Variants in PDE1C observed in about 807,000 individuals in gnomAD.
PDE1C encodes phosphodiesterase 1C, also known as dual specificity calcium/calmodulin-dependent 3',5'-cyclic nucleotide phosphodiesterase 1C.
A neutral mutation model predicts 93.1 loss-of-function variants in PDE1C; 62 were observed. The ratio of observed to expected loss-of-function variants is 0.67; its 90% CI spans 0.54 to 0.82. The LOEUF (loss-of-function observed/expected upper bound fraction) is 0.82. Among genes scored for constraint, PDE1C ranks in the 40% least tolerant of loss-of-function variants. The pLI is 0.00. For synonymous variants in PDE1C, 325 were observed against 310.1 expected (o/e 1.05, Z -0.50); for missense variants, 742 against 884.6 (o/e 0.84, Z 2.04).
the PDE1C span, among the ~76,000 whole-genome samples, chr7:31,669,978 C>T: frequency 6.6e-6 from 1 of 152,222 alleles, no homozygotes; most frequent in Non-Finnish European, 1.5e-5. Context: ...GTCTGACTCT[C>T]ATCTAGGACT....
rs1424943945 is a variant in PDE1C at position 31,926,231 on chromosome 7, G to A, written c.129-45371C>T. ...CCTGAAACGATTTTTCTTTTTCAGT[G>A]AGTCATTCATTGGCCTGTGAAATAA... On this transcript the variant is annotated intron_variant, in intron 2 of 17. Transcript: ENST00000396191. Among the ~76,000 whole-genome samples, 3 of 152,208 alleles carry A rather than the reference G, an allele frequency of 2.0e-5. No individual in the cohort carries two copies. In the East Asian group the frequency reaches 5.8e-4, roughly 29 times the overall value.
intron 17 of PDE1C, among the ~76,000 whole-genome samples, chr7:31,759,277 G>A (rs1257330767): frequency 1.3e-5 from 2 of 152,046 alleles, no homozygotes; most frequent in African/African-American, 4.8e-5. Context: ...ATTCTTCTGG[G>A]GTCCTGGTAT....
At chr7:31,706,695 C>T in the PDE1C span, among the ~76,000 whole-genome samples, 9 of 152,194 alleles carry the variant, frequency 5.9e-5, no homozygotes, top group South Asian at 4.2e-4. Context: ...GGAAAATAAA[C>T]GAGCAAATAT....
At chr7:32,200,708 G>C (rs992372958) in intron 2 of PDE1C, among the ~76,000 whole-genome samples, 5 of 152,166 alleles carry the variant, frequency 3.3e-5, no homozygotes, top group Admixed American at 1.3e-4. Context: ...ACAGGCAGCA[G>C]GTGGAAGCTG....
At chr7:31,809,154 G>A in intron 15 of PDE1C, 46 bp from the exon 16 acceptor site, 2 of 1,053,892 alleles carry the variant, frequency 1.9e-6, no homozygotes, top group Non-Finnish European at 3.0e-6. Flanking sequence ...GCAGCTGAGG[G>A]GGTTGTTATA....
intron 11 of PDE1C, among the ~76,000 whole-genome samples, chr7:31,835,692 A>G (rs1791006772): frequency 6.6e-6 from 1 of 152,196 alleles, no homozygotes; most frequent in African/African-American, 2.4e-5. Context: ...CACAGATAAG[A>G]CCATAGGGAA....
chr7:31,678,995 T>C, the PDE1C span, among the ~76,000 whole-genome samples: 3 of 152,222 alleles, frequency 2.0e-5, no homozygotes, highest in African/African-American at 4.8e-5. Flanking sequence ...CCTGAAAGCA[T>C]TGGCAGAAAT....
intron 2 of PDE1C, among the ~76,000 whole-genome samples, chr7:31,895,580 TTC>T (rs60958547): frequency 0.079 from 11,449 of 144,852 alleles, 543 homozygotes; most frequent in Middle Eastern, 0.14. Flanking sequence ...TTTCTCTCTT[TTC>T]TCTCTCTCTC....
chr7:32,186,409 G>GT (rs1245924752), intron 2 of PDE1C, among the ~76,000 whole-genome samples: 1 of 151,022 alleles, frequency 6.6e-6, no homozygotes, highest in Non-Finnish European at 1.5e-5. Flanking sequence ...GCCCTAATTT[G>GT]TTTTTTAAAT....
chr7:31,623,837 G>C, the PDE1C span, among the ~76,000 whole-genome samples: 1 of 152,180 alleles, frequency 6.6e-6, no homozygotes, highest in Admixed American at 6.5e-5. Flanking sequence ...AATTGTCCCT[G>C]TTTGCAGATG....
At chr7:32,323,017 G>T (rs1054153665) in intron 1 of PDE1C, among the ~76,000 whole-genome samples, 46 of 152,108 alleles carry the variant, frequency 3.0e-4, no homozygotes, top group African/African-American at 1.1e-3. Context: ...GACTGGGAGG[G>T]TCTGGTAGGA....
intron 2 of PDE1C, among the ~76,000 whole-genome samples, chr7:31,919,800 A>C (rs1474887389): frequency 2.0e-5 from 3 of 152,168 alleles, no homozygotes; most frequent in Non-Finnish European, 4.4e-5. Context: ...TGGCCCTGCA[A>C]GGGTAAGTGT....
At chr7:32,131,000 CA>C (rs1799887412) in intron 3 of PDE1C, among the ~76,000 whole-genome samples, 3 of 152,028 alleles carry the variant, frequency 2.0e-5, no homozygotes, top group Non-Finnish European at 4.4e-5. Flanking sequence ...TAGGTCCCTT[CA>C]AGTTAAGGAG....
chr7:31,756,261 T>C (rs142487995), intron 17 of PDE1C, among the ~76,000 whole-genome samples: 1 of 152,304 alleles, frequency 6.6e-6, no homozygotes, highest in African/African-American at 2.4e-5. Flanking sequence ...TTGACACCAG[T>C]GGCATGTGAT....
At chr7:31,807,973 T>C (rs986514443) in intron 16 of PDE1C, among the ~76,000 whole-genome samples, 1 of 151,924 alleles carries the variant, frequency 6.6e-6, no homozygotes, top group African/African-American at 2.4e-5. Flanking sequence ...AGGTATTATG[T>C]AATAAGACAC....
chr7:32,002,852 T>C (rs980700478), intron 2 of PDE1C, among the ~76,000 whole-genome samples: 1 of 152,210 alleles, frequency 6.6e-6, no homozygotes, highest in Non-Finnish European at 1.5e-5. Context: ...GTTTAAAATG[T>C]CAACATGGAA....
chr7:32,181,446 C>G (rs1041036113), intron 2 of PDE1C, among the ~76,000 whole-genome samples: 2 of 152,106 alleles, frequency 1.3e-5, no homozygotes, highest in Admixed American at 6.6e-5. Context: ...ATAACAAACT[C>G]TCTCTTCAAA....
chr7:32,302,324 G>T (rs552597459), upstream of PDE1C, among the ~76,000 whole-genome samples: 3 of 152,270 alleles, frequency 2.0e-5, no homozygotes, highest in Admixed American at 6.5e-5. Context: ...ACAAACAAGG[G>T]AAACAAGGAG....
At chr7:32,188,867 T>G (rs954555622) in intron 2 of PDE1C, among the ~76,000 whole-genome samples, 1 of 152,176 alleles carries the variant, frequency 6.6e-6, no homozygotes, top group Non-Finnish European at 1.5e-5. Flanking sequence ...CTAGATTTTA[T>G]TCATCATCTA....
Sources: gnomAD v4.1 joint callset for allele counts (sites outside exome capture counted in the v4.1 genomes callset) on GRCh38, gnomAD v4.1.1 for gene constraint, MANE v1.5 for transcripts, NCBI Gene and HGNC (gene_info 2026-07-23, HGNC 2026-07-21) for gene names.